COPS2: variants seen among roughly 807,000 people sequenced by gnomAD.
The protein encoded by COPS2 is COP9 signalosome complex subunit 2.
A neutral mutation model predicts 66.1 loss-of-function variants in COPS2; 10 were observed. The observed-to-expected ratio is 0.15, with a 90% CI of 0.09 to 0.26. The LOEUF (loss-of-function observed/expected upper bound fraction) is 0.26. Ranked by LOEUF, COPS2 falls within the 10% of genes least tolerant of loss-of-function variation. COPS2 has a pLI of 1.00. For missense variants in COPS2, 215 were observed against 513.3 expected, an observed-to-expected ratio of 0.42 and a Z score of 5.62; for synonymous variants, 179 against 171.3, an observed-to-expected ratio of 1.04 and a Z score of -0.35.
At chr15:49,141,640 C>G (rs975755062) in intron 3 of COPS2, among the ~76,000 whole-genome samples, 2 of 151,928 alleles carry the variant, frequency 1.3e-5, no homozygotes, top group Non-Finnish European at 2.9e-5. Context: ...GATAGTGAAC[C>G]CTTCCAACTT....
At chr15:49,129,200 T>G (rs1017656281) in intron 11 of COPS2, among the ~76,000 whole-genome samples, 1 of 151,892 alleles carries the variant, frequency 6.6e-6, no homozygotes, top group South Asian at 2.1e-4. Flanking sequence ...GAGGCTGAGG[T>G]AGGAGGACTG....
chr15:49,126,163 A>C lies in COPS2; in HGVS notation c.*1787T>G, dbSNP rs1341232853. The C allele has an allele frequency of 6.6e-6, 1 of 152,486 alleles. No individual in the cohort carries two copies. The highest frequency in any genetic ancestry group is 1.9e-4 in the East Asian group (1 of 5,204). The allele number at this position is 152,486 out of a possible 1,614,324, so 9.4% of individuals were successfully genotyped here. On this transcript the variant is annotated 3_prime_UTR_variant, in exon 13 of 13. Transcript: ENST00000388901. Reference sequence around the variant, plus strand: ...TTTTCACAAATGATTTATGTAAAAGAGAAAATACACATAATTTTATAATAT... The same window carrying C: ...TTTTCACAAATGATTTATGTAAAAGCGAAAATACACATAATTTTATAATAT...
chr15:49,143,398 G>A (rs1263456404), intron 3 of COPS2, among the ~76,000 whole-genome samples: 2 of 152,198 alleles, frequency 1.3e-5, no homozygotes, highest in African/African-American at 4.8e-5. Context: ...CTGTAGCAGG[G>A]TAAGGATGAA....
chr15:49,150,922 T>A (rs1407237964), intron 1 of COPS2, among the ~76,000 whole-genome samples: 1 of 152,058 alleles, frequency 6.6e-6, no homozygotes, highest in South Asian at 2.1e-4. Context: ...AAAAAATAAA[T>A]AAAACTGCTA....
intron 9 of COPS2, among the ~76,000 whole-genome samples, chr15:49,132,076 G>A (rs565611661): frequency 6.6e-6 from 1 of 152,222 alleles, no homozygotes; most frequent in Non-Finnish European, 1.5e-5. Flanking sequence ...AAATATCAAT[G>A]TCTAGGGTAA....
At chr15:49,152,113 T>C (rs1327993648) in intron 1 of COPS2, among the ~76,000 whole-genome samples, 3 of 150,806 alleles carry the variant, frequency 2.0e-5, no homozygotes, top group Admixed American at 2.0e-4. Context: ...ATACATTTTT[T>C]ATAAAAATAA....
chr15:49,136,881 T>A (rs2084256354), intron 6 of COPS2, among the ~76,000 whole-genome samples: 1 of 151,818 alleles, frequency 6.6e-6, no homozygotes, highest in African/African-American at 2.4e-5. Context: ...CCCAGCTACT[T>A]AGGAGGCTGA....
intron 1 of COPS2, among the ~76,000 whole-genome samples, chr15:49,153,318 TG>T (rs1453918402): frequency 8.1e-6 from 1 of 123,364 alleles, no homozygotes; most frequent in Non-Finnish European, 1.8e-5. Flanking sequence ...AACACATACA[TG>T]AAAAAAAAAA....
intron 1 of COPS2, among the ~76,000 whole-genome samples, chr15:49,150,157 G>A (rs2084348432): frequency 6.6e-6 from 1 of 150,548 alleles, no homozygotes; most frequent in African/African-American, 2.4e-5. Context: ...GCATGGTGGC[G>A]CATGCCTGTA....
chr15:49,132,296 AT>A (rs2084215933), intron 9 of COPS2, among the ~76,000 whole-genome samples: 1 of 151,988 alleles, frequency 6.6e-6, no homozygotes, highest in Non-Finnish European at 1.5e-5. Flanking sequence ...AACTGATTTA[AT>A]GTGGTAACTT....
chr15:49,134,687 T>A (rs1285980880), intron 6 of COPS2, among the ~76,000 whole-genome samples, 173 bp from the exon 7 acceptor site: 2 of 152,154 alleles, frequency 1.3e-5, no homozygotes, highest in African/African-American at 4.8e-5. Flanking sequence ...AAAAAGAAAC[T>A]AATACATCCT....
chr15:49,155,057 G>C (rs1302080306), intron 1 of COPS2, among the ~76,000 whole-genome samples: 1 of 152,226 alleles, frequency 6.6e-6, no homozygotes, highest in African/African-American at 2.4e-5. Context: ...TCGCAGTCAG[G>C]CCTGGGAGCA....
At chr15:49,134,171 C>T (rs1778583594) in intron 7 of COPS2, 63 bp from the exon 8 acceptor site, 2 of 1,457,968 alleles carry the variant, frequency 1.4e-6, no homozygotes, top group South Asian at 2.6e-5. Flanking sequence ...AAACTGACCA[C>T]CTCATAAATG....
chr15:49,144,384 A>G (rs1461153264), intron 2 of COPS2, 80 bp from the exon 3 acceptor site: 1 of 795,870 alleles, frequency 1.3e-6, no homozygotes, highest in African/African-American at 1.7e-5. Flanking sequence ...TAAGTATTGA[A>G]TTAATTTTAT....
chr15:49,153,102 C>G (rs1013662106), intron 1 of COPS2, among the ~76,000 whole-genome samples: 1 of 152,076 alleles, frequency 6.6e-6, no homozygotes, highest in Non-Finnish European at 1.5e-5. Flanking sequence ...CTTACAAACA[C>G]AAACTAATAA....
Position 49,123,840 on chromosome 15 carries a change from G to T in COPS2, c.*4110C>A, listed in dbSNP as rs889464225. On this transcript the variant is annotated 3_prime_UTR_variant, in exon 13 of 13. Transcript: ENST00000388901. ...TGGTTTCTTCTGAGACATTACCTAA[G>T]ACGAATCTCCTTAAAATTCAAAAGC... 6.6e-6 allele frequency: 1 copy of T among 152,116 alleles called. No individual in the cohort carries two copies. The highest frequency in any genetic ancestry group is 2.4e-5 in the African/African-American group (1 of 41,424). 9.4% of individuals were successfully genotyped at this position (152,116 alleles called of 1,614,324 possible).
At chr15:49,146,011 T>C (rs2084318695) in intron 1 of COPS2, among the ~76,000 whole-genome samples, 1 of 152,188 alleles carries the variant, frequency 6.6e-6, no homozygotes. Flanking sequence ...GTTTTATAGT[T>C]ATTTCTAAAT....
intron 1 of COPS2, 118 bp downstream of exon 1, chr15:49,155,407 G>T: frequency 1.1e-6 from 1 of 892,478 alleles, no homozygotes; most frequent in Non-Finnish European, 1.8e-6. Flanking sequence ...TCCTGTCACC[G>T]CACTGAGAGA....
intron 1 of COPS2, 104 bp from the exon 2 acceptor site, chr15:49,145,182 A>T (rs939900300): frequency 1.8e-6 from 1 of 564,274 alleles, no homozygotes; most frequent in Non-Finnish European, 3.1e-6. Flanking sequence ...ACATATTTTT[A>T]CAAAACAAAA....
Sources: gnomAD v4.1 joint callset for allele counts (sites outside exome capture counted in the v4.1 genomes callset) on GRCh38, gnomAD v4.1.1 for gene constraint, MANE v1.5 for transcripts, NCBI Gene and HGNC (gene_info 2026-07-23, HGNC 2026-07-21) for gene names.